The following NAV2 variants were observed in gnomAD, a reference collection of about 807,000 sequenced individuals.
NAV2 encodes neuron navigator 2.
Under a neutral mutation model 223.2 loss-of-function variants are expected in NAV2, and 54 were observed. That is an observed-to-expected ratio of 0.24 (90% CI 0.19 to 0.30). The LOEUF is 0.30. Ranked by LOEUF, NAV2 falls within the 10% of genes least tolerant of loss-of-function variation. The pLI, the probability that NAV2 is intolerant of heterozygous loss-of-function variation, is 1.00. For synonymous variants in NAV2, 1,279 were observed against 1,239.3 expected, an observed-to-expected ratio of 1.03 and a Z score of -0.67; for missense variants, 2,806 against 3,147.5, an observed-to-expected ratio of 0.89 and a Z score of 2.60.
At chr11:19,485,116 CTG>C (rs2042400130) in intron 1 of NAV2, among the ~76,000 whole-genome samples, 1 of 152,182 alleles carries the variant, frequency 6.6e-6, no homozygotes, top group Non-Finnish European at 1.5e-5. Flanking sequence ...CAGGCAACTC[CTG>C]TGGACCCCTG....
At chr11:19,494,880 AC>A (rs2042744641) in intron 1 of NAV2, among the ~76,000 whole-genome samples, 1 of 151,784 alleles carries the variant, frequency 6.6e-6, no homozygotes, top group Admixed American at 6.6e-5. Context: ...CCAGCAGCTG[AC>A]CCCCCGGGCT....
At chr11:19,524,986 G>C (rs1234628141) in intron 1 of NAV2, among the ~76,000 whole-genome samples, 3 of 152,088 alleles carry the variant, frequency 2.0e-5, no homozygotes, top group Non-Finnish European at 4.4e-5. Flanking sequence ...TTTTCTTCCT[G>C]TTAATCCCGG....
intron 1 of NAV2, among the ~76,000 whole-genome samples, chr11:19,685,147 A>G (rs1487821390): frequency 6.6e-6 from 1 of 152,158 alleles, no homozygotes; most frequent in East Asian, 1.9e-4. Flanking sequence ...CGAATCCCAG[A>G]CCTTCCCTCA....
chr11:19,586,307 C>T (rs2045896655), intron 1 of NAV2, among the ~76,000 whole-genome samples: 1 of 152,042 alleles, frequency 6.6e-6, no homozygotes, highest in South Asian at 2.1e-4. Flanking sequence ...TTTTTAACTT[C>T]TTTGCCATGG....
chr11:19,474,127 G>A (rs1474657269), intron 1 of NAV2, among the ~76,000 whole-genome samples: 1 of 152,170 alleles, frequency 6.6e-6, no homozygotes, highest in Non-Finnish European at 1.5e-5. Flanking sequence ...TAAGAAATTG[G>A]GGTTCTAGCC....
At chr11:20,079,063 C>T (rs780422045) in intron 24 of NAV2, among the ~76,000 whole-genome samples, 8 of 151,986 alleles carry the variant, frequency 5.3e-5, no homozygotes, top group East Asian at 3.9e-4. Context: ...TTTTTTGAGA[C>T]GGAGTTTCAC....
At position 20,100,546 on chromosome 11, in the gene NAV2, G is replaced by GGTGTGT. The variant is rs59857072; in HGVS notation, c.6182-350_6182-345dup. ...TGCCATAGGTATAGTATACTAGAGGGGTGTGTGTGTGTGTGTGTGTGTGTG... is the reference window on the plus strand; with the variant it reads ...TGCCATAGGTATAGTATACTAGAGGGGTGTGTGTGTGTGTGTGTGTGTGTGTGTGTG... On this transcript the variant is annotated intron_variant, in intron 31 of 37. Transcript: ENST00000349880. 6.8e-3 allele frequency among the ~76,000 whole-genome samples: 964 copies of GGTGTGT among 141,824 alleles called. 18 individuals are homozygous for GGTGTGT. Among genetic ancestry groups the GGTGTGT allele is most frequent in the East Asian group, 0.058 (271 of 4,646 alleles). 93.0% of individuals were successfully genotyped at this position (141,824 alleles called of 152,430 possible). A position where few individuals can be genotyped will look rare whatever the true frequency, so the allele number is the denominator to read the frequency against.
chr11:19,841,742 C>G lies in NAV2; in HGVS notation c.386-1129C>G, dbSNP rs199629130. 5.1e-4 allele frequency among the ~76,000 whole-genome samples: 78 copies of G among 152,234 alleles called. 2 individuals carry two copies. The South Asian group carries it at 0.016, about 31-fold the overall frequency. ...TTTCAAGAGGAAGCTAACCCTTAGT[C>G]CTTTACTGTGGAGCCCTAGCTGAGT... On this transcript the variant is annotated intron_variant, in intron 2 of 37. Coordinates refer to ENST00000349880, the MANE Select transcript of NAV2 (RefSeq NM_145117.5).
intron 1 of NAV2, among the ~76,000 whole-genome samples, chr11:19,609,638 G>C (rs1049689793): frequency 6.6e-6 from 1 of 152,202 alleles, no homozygotes; most frequent in Non-Finnish European, 1.5e-5. Flanking sequence ...GGAATCATGT[G>C]TACCCCAAGG....
intron 1 of NAV2, among the ~76,000 whole-genome samples, chr11:19,787,982 A>G (rs959545649): frequency 2.6e-5 from 4 of 152,168 alleles, no homozygotes; most frequent in Non-Finnish European, 5.9e-5. Flanking sequence ...CCCGTCCCAC[A>G]TGTTACTTTC....
At chr11:19,453,737 C>T (rs189409054) in intron 1 of NAV2, among the ~76,000 whole-genome samples, 1 of 152,322 alleles carries the variant, frequency 6.6e-6, no homozygotes, top group East Asian at 1.9e-4. Context: ...TGAAATCCTT[C>T]CAGCCATGAA....
At position 19,934,064 on chromosome 11, in the gene NAV2, G is replaced by A; in HGVS notation, c.1820G>A (p.Gly607Asp). 1 of 1,607,584 alleles carries A rather than the reference G, an allele frequency of 6.2e-7. No homozygotes were observed. Among genetic ancestry groups the A allele is most frequent in the Non-Finnish European group, 8.5e-7 (1 of 1,176,698 alleles). ...GLPQQKPQLD[G>D]RHSSSSSSLA... ...CCCCAGCAGAAGCCCCAGCTGGACG[G>A]CAGACACTCCAGTTCCTCTTCCAGC... The change falls in exon 7 of 38, where the codon GGC (glycine) becomes GAC (aspartate). Residue 607 changes from glycine to aspartate, a missense_variant. Physicochemically the swap from Gly to Asp is moderately conservative, Grantham distance 94. Coordinates refer to ENST00000349880, the MANE Select transcript of NAV2 (RefSeq NM_145117.5).
At chr11:19,574,248 G>A (rs1248726851) in intron 1 of NAV2, among the ~76,000 whole-genome samples, 1 of 152,228 alleles carries the variant, frequency 6.6e-6, no homozygotes, top group African/African-American at 2.4e-5. Flanking sequence ...TATATGCAAT[G>A]TGATTAGCCC....
At chr11:19,893,309 CAA>C (rs1565508721) in intron 6 of NAV2, among the ~76,000 whole-genome samples, 1 of 152,098 alleles carries the variant, frequency 6.6e-6, no homozygotes, top group South Asian at 2.1e-4. Flanking sequence ...AAAGATTATT[CAA>C]AAAGAGGCAG....
At chr11:19,560,571 T>C (rs2045058686) in intron 1 of NAV2, among the ~76,000 whole-genome samples, 1 of 152,344 alleles carries the variant, frequency 6.6e-6, no homozygotes, top group Non-Finnish European at 1.5e-5. Context: ...GCAGCTCTTA[T>C]CACATTTGAT....
chr11:19,890,772 C>T (rs913821213), intron 5 of NAV2, among the ~76,000 whole-genome samples: 8 of 152,216 alleles, frequency 5.3e-5, no homozygotes, highest in African/African-American at 1.9e-4. Context: ...GATCCCACTG[C>T]TGGACCTCCT....
intron 1 of NAV2, among the ~76,000 whole-genome samples, chr11:19,816,239 G>C (rs886881241): frequency 6.6e-6 from 1 of 152,218 alleles, no homozygotes; most frequent in African/African-American, 2.4e-5. Context: ...TCCCAAATGG[G>C]GAAGGAGCAG....
chr11:19,442,976 G>A (rs1331815418), intron 1 of NAV2, among the ~76,000 whole-genome samples: 1 of 152,034 alleles, frequency 6.6e-6, no homozygotes, highest in Non-Finnish European at 1.5e-5. Context: ...GCCCAAAGAG[G>A]TCCCCCTACC....
intron 1 of NAV2, among the ~76,000 whole-genome samples, chr11:19,451,310 G>C (rs1398568947): frequency 6.6e-6 from 1 of 151,996 alleles, no homozygotes; most frequent in African/African-American, 2.4e-5. Context: ...GATATTCCTA[G>C]AGATTTACTT....
Sources: allele counts gnomAD v4.1 joint callset (sites outside exome capture counted in the v4.1 genomes callset), GRCh38; gene constraint gnomAD v4.1.1; transcripts MANE v1.5; gene names NCBI Gene and HGNC (gene_info 2026-07-23, HGNC 2026-07-21).